Variants in GABBR2 observed in about 807,000 individuals in gnomAD.
GABBR2 encodes the protein G-protein coupled receptor 51.
GABBR2 carries 23 observed loss-of-function variants against 105.6 expected under a neutral mutation model. The observed-to-expected ratio is 0.22, with a 90% confidence interval of 0.16 to 0.31. The LOEUF (loss-of-function observed/expected upper bound fraction) is 0.31, where lower values mean the gene tolerates loss of function less well. GABBR2 is among the 10% of genes least tolerant of loss of function. The pLI is 1.00. For synonymous variants in GABBR2, 478 were observed against 499.7 expected (o/e 0.96, Z 0.58); for missense variants, 734 against 1,245.5 (o/e 0.59, Z 6.18).
chr9:98,550,558 C>A (rs1828470943), intron 2 of GABBR2, among the ~76,000 whole-genome samples: 1 of 152,150 alleles, frequency 6.6e-6, no homozygotes, highest in South Asian at 2.1e-4. Flanking sequence ...TGATACAAGC[C>A]CCTCAGTCTG....
At chr9:98,302,432 G>T (rs1394128208) in intron 16 of GABBR2, among the ~76,000 whole-genome samples, 4 of 152,238 alleles carry the variant, frequency 2.6e-5, no homozygotes, top group South Asian at 4.1e-4. Flanking sequence ...ACCTTGGGGA[G>T]CAGAGCTGCC....
intron 7 of GABBR2, among the ~76,000 whole-genome samples, chr9:98,444,015 T>A (rs1826077934): frequency 6.6e-6 from 1 of 152,240 alleles, no homozygotes; most frequent in Admixed American, 6.5e-5. Flanking sequence ...ATATGGACTT[T>A]GAGTCAGTCA....
chr9:98,661,905 C>T (rs751648599), intron 1 of GABBR2, among the ~76,000 whole-genome samples: 2 of 152,170 alleles, frequency 1.3e-5, no homozygotes, highest in Admixed American at 1.3e-4. Flanking sequence ...AAGCCTGATC[C>T]CTTGCCTTGA....
intron 13 of GABBR2, among the ~76,000 whole-genome samples, chr9:98,359,071 G>T (rs1450133839): frequency 6.6e-6 from 1 of 152,152 alleles, no homozygotes; most frequent in Non-Finnish European, 1.5e-5. Context: ...AATTAAATGA[G>T]TTCATATTTG....
intron 13 of GABBR2, among the ~76,000 whole-genome samples, chr9:98,326,765 G>A (rs1028282339): frequency 1.3e-5 from 2 of 152,250 alleles, no homozygotes; most frequent in African/African-American, 4.8e-5. Flanking sequence ...ATACAGAAGG[G>A]CAATTACATT....
At chr9:98,402,457 G>A (rs141933664) in intron 8 of GABBR2, among the ~76,000 whole-genome samples, 44 of 152,326 alleles carry the variant, frequency 2.9e-4, no homozygotes, top group African/African-American at 1.0e-3. Context: ...TGAGGTGTGT[G>A]CCCAACAGGA....
intron 1 of GABBR2, among the ~76,000 whole-genome samples, chr9:98,636,810 G>T (rs1564137339): frequency 6.6e-6 from 1 of 152,038 alleles, no homozygotes; most frequent in Non-Finnish European, 1.5e-5. Flanking sequence ...CAAGAATTTG[G>T]GAAGCAAAGC....
chr9:98,390,375 C>CAAAAAA lies in GABBR2; in HGVS notation c.1379-1377_1379-1372dup, dbSNP rs61216428. On this transcript the variant is annotated intron_variant, in intron 9 of 18. Transcript: ENST00000259455. ...GGTGACAGAGCAAGACTCCATCTCA[C>CAAAAAA]AAAAAAAAAAAAAAAAAAAAAAAAA... Among the ~76,000 whole-genome samples the CAAAAAA allele has an allele frequency of 1.8e-3, 58 of 32,434 alleles. 8 individuals carry two copies. The highest frequency in any genetic ancestry group is 5.5e-3 in the African/African-American group (55 of 9,944). 21.3% of individuals were successfully genotyped at this position (32,434 alleles called of 152,430 possible).
At chr9:98,392,307 A>C (rs994370387) in intron 9 of GABBR2, among the ~76,000 whole-genome samples, 1 of 152,174 alleles carries the variant, frequency 6.6e-6, no homozygotes, top group Non-Finnish European at 1.5e-5. Context: ...TGGCGCTTGA[A>C]TCTTTTCTTC....
intron 7 of GABBR2, among the ~76,000 whole-genome samples, chr9:98,423,664 A>G (rs560439400): frequency 7.7e-4 from 117 of 152,242 alleles, no homozygotes; most frequent in South Asian, 1.5e-3. Context: ...GGTGTTTTAG[A>G]CATGAAGTCC....
intron 7 of GABBR2, among the ~76,000 whole-genome samples, chr9:98,422,195 C>CA (rs1832793215): frequency 6.6e-6 from 1 of 152,128 alleles, no homozygotes; most frequent in African/African-American, 2.4e-5. Flanking sequence ...AACCAGAAGA[C>CA]AGTAGGCACA....
At chr9:98,496,138 C>T (rs1203645583) in intron 4 of GABBR2, 1 of 458,676 alleles carries the variant, frequency 2.2e-6, no homozygotes, top group African/African-American at 2.0e-5. Context: ...CATGTGTGCC[C>T]TGCTTGCCCC....
intron 1 of GABBR2, among the ~76,000 whole-genome samples, chr9:98,657,706 A>G (rs1298350446): frequency 6.6e-6 from 1 of 152,258 alleles, no homozygotes; most frequent in African/African-American, 2.4e-5. Context: ...CATCCCCCAA[A>G]TCTGCATATG....
At chr9:98,684,023 A>G in intron 1 of GABBR2, among the ~76,000 whole-genome samples, 1 of 150,160 alleles carries the variant, frequency 6.7e-6, no homozygotes, top group South Asian at 2.1e-4. Context: ...AAAAAAAAAA[A>G]AAAAAAAAAA....
At chr9:98,612,981 G>A (rs146879352) in intron 1 of GABBR2, among the ~76,000 whole-genome samples, 72 of 152,338 alleles carry the variant, frequency 4.7e-4, no homozygotes, top group Admixed American at 3.6e-3. Context: ...CTGGGATGAA[G>A]TTCTACCAAC....
chr9:98,536,879 A>G (rs1365624915), intron 3 of GABBR2, among the ~76,000 whole-genome samples: 2 of 152,086 alleles, frequency 1.3e-5, no homozygotes, highest in Non-Finnish European at 2.9e-5. Flanking sequence ...GCACTGGACC[A>G]AGGCCTCCCT....
At chr9:98,362,192 C>T (rs568712020) in intron 13 of GABBR2, among the ~76,000 whole-genome samples, 3 of 152,326 alleles carry the variant, frequency 2.0e-5, no homozygotes, top group Admixed American at 6.5e-5. Flanking sequence ...AAGACCAGTG[C>T]GAGTTCAGGG....
At chr9:98,431,345 C>A (rs1471446147) in intron 7 of GABBR2, among the ~76,000 whole-genome samples, 1 of 152,112 alleles carries the variant, frequency 6.6e-6, no homozygotes, top group East Asian at 1.9e-4. Flanking sequence ...TTGCTCCTGG[C>A]ACTAGACTGT....
At chr9:98,518,574 A>G (rs545464243) in intron 3 of GABBR2, among the ~76,000 whole-genome samples, 2 of 152,254 alleles carry the variant, frequency 1.3e-5, no homozygotes, top group African/African-American at 4.8e-5. Flanking sequence ...GAACACTGGC[A>G]TCCCCTGCTT....
Sources: allele counts gnomAD v4.1 joint callset (sites outside exome capture counted in the v4.1 genomes callset), GRCh38; gene constraint gnomAD v4.1.1; transcripts MANE v1.5; gene names NCBI Gene and HGNC (gene_info 2026-07-23, HGNC 2026-07-21).